BMPR1B: variants seen among roughly 807,000 people sequenced by gnomAD.
BMPR1B encodes bone morphogenetic protein receptor type 1B, also known as bone morphogenetic protein receptor type-1B.
A neutral mutation model predicts 59.1 loss-of-function variants in BMPR1B; 12 were observed. The observed-to-expected ratio is 0.20, with a 90% CI of 0.13 to 0.33. BMPR1B has a LOEUF of 0.33. Ranked by LOEUF, BMPR1B falls within the 10% of genes least tolerant of loss-of-function variation. The pLI is 1.00. For synonymous variants in BMPR1B, 237 were observed against 207.3 expected (o/e 1.14, Z -1.23); for missense variants, 550 against 610.9 (o/e 0.90, Z 1.05).
chr4:94,990,345 ACT>A (rs1436806391), intron 2 of BMPR1B, among the ~76,000 whole-genome samples: 1 of 152,026 alleles, frequency 6.6e-6, no homozygotes, highest in Non-Finnish European at 1.5e-5. Context: ...ACAGAATGAG[ACT>A]CTGTCCGTCT....
chr4:94,918,081 A>G (rs2149020437), intron 2 of BMPR1B, among the ~76,000 whole-genome samples: 1 of 152,274 alleles, frequency 6.6e-6, no homozygotes, highest in South Asian at 2.1e-4. Context: ...TTCAGATGCC[A>G]GAGCATGGGT....
intron 10 of BMPR1B, among the ~76,000 whole-genome samples, chr4:95,132,916 G>T (rs921212514): frequency 8.6e-5 from 13 of 152,000 alleles, no homozygotes; most frequent in African/African-American, 3.1e-4. Flanking sequence ...TCTTTCTCCT[G>T]TTTTCTTGGT....
intron 1 of BMPR1B, among the ~76,000 whole-genome samples, chr4:94,863,666 A>T (rs1173353763): frequency 6.6e-6 from 1 of 152,192 alleles, no homozygotes; most frequent in East Asian, 1.9e-4. Context: ...ATTTTATGAT[A>T]TGATTTTTCT....
chr4:94,844,712 A>G (rs897413697), intron 1 of BMPR1B, among the ~76,000 whole-genome samples: 21 of 152,172 alleles, frequency 1.4e-4, no homozygotes, highest in Non-Finnish European at 2.9e-4. Flanking sequence ...TTCACATACA[A>G]TATGGGCCAT....
At chr4:95,086,990 A>G (rs1418402149) in intron 3 of BMPR1B, among the ~76,000 whole-genome samples, 3 of 144,560 alleles carry the variant, frequency 2.1e-5, no homozygotes, top group African/African-American at 7.7e-5. Flanking sequence ...GGTGTGTCTC[A>G]TATCCTTCTT....
Position 94,983,008 on chromosome 4 carries a change from G to GA in BMPR1B, c.-112-13023dup, listed in dbSNP as rs1022916991. On this transcript the variant is annotated intron_variant, in intron 2 of 12. Coordinates refer to ENST00000515059, the MANE Select transcript of BMPR1B (RefSeq NM_001203.3). The stretch of plus-strand genomic sequence containing the variant: ...TCAAAAAAGAAAAAAAAAAACAAAC[G>GA]AAAAAAAAATTGTCACCTGAATACT... 1.2e-4 allele frequency among the ~76,000 whole-genome samples: 18 copies of GA among 148,854 alleles called. No individual in the cohort carries two copies. The East Asian group carries it at 2.4e-3, about 19-fold the overall frequency.
At chr4:95,053,341 T>C (rs1001085154) in intron 3 of BMPR1B, among the ~76,000 whole-genome samples, 6 of 145,232 alleles carry the variant, frequency 4.1e-5, no homozygotes, top group Admixed American at 2.8e-4. Flanking sequence ...TGTACTTAAT[T>C]TATCTTATAT....
intron 2 of BMPR1B, among the ~76,000 whole-genome samples, chr4:94,934,995 C>G (rs1186660020): frequency 2.6e-5 from 4 of 151,968 alleles, no homozygotes; most frequent in African/African-American, 9.7e-5. Flanking sequence ...GTTTTCATAA[C>G]TACACTAAGT....
chr4:94,989,399 A>C (rs1384690477), intron 2 of BMPR1B, among the ~76,000 whole-genome samples: 5 of 151,650 alleles, frequency 3.3e-5, no homozygotes, highest in Admixed American at 2.0e-4. Context: ...AAAAAAAAAA[A>C]AAAACAAAAA....
intron 2 of BMPR1B, among the ~76,000 whole-genome samples, chr4:94,913,032 G>A (rs980758413): frequency 9.2e-5 from 14 of 151,924 alleles, no homozygotes; most frequent in Admixed American, 9.2e-4. Flanking sequence ...AAAACTCCCA[G>A]GAAATTATAA....
chr4:95,033,725 C>T (rs1319982521), intron 3 of BMPR1B, among the ~76,000 whole-genome samples: 1 of 152,030 alleles, frequency 6.6e-6, no homozygotes, highest in African/African-American at 2.4e-5. Context: ...AGAGGAGGAG[C>T]TTAGACCAGC....
chr4:94,944,808 T>C (rs1343391382), intron 2 of BMPR1B, among the ~76,000 whole-genome samples: 1 of 152,216 alleles, frequency 6.6e-6, no homozygotes, highest in Admixed American at 6.5e-5. Flanking sequence ...CCTGTATACC[T>C]ACATTGACTG....
chr4:95,096,180 C>T (rs945662318), intron 3 of BMPR1B, among the ~76,000 whole-genome samples: 1 of 151,382 alleles, frequency 6.6e-6, no homozygotes, highest in Admixed American at 6.6e-5. Flanking sequence ...TATGAGGCTT[C>T]CAGCTCATTA....
intron 2 of BMPR1B, among the ~76,000 whole-genome samples, chr4:94,913,436 T>TG (rs1728363791): frequency 6.6e-6 from 1 of 152,208 alleles, no homozygotes; most frequent in Non-Finnish European, 1.5e-5. Context: ...TTGAAACTAT[T>TG]GCGGTAAACA....
At chr4:95,018,999 G>T (rs1723783565) in intron 3 of BMPR1B, among the ~76,000 whole-genome samples, 1 of 152,122 alleles carries the variant, frequency 6.6e-6, no homozygotes, top group South Asian at 2.1e-4. Flanking sequence ...TAATGAATGT[G>T]CAATTGGGGT....
At chr4:95,133,834 C>G (rs768109627) in intron 10 of BMPR1B, among the ~76,000 whole-genome samples, 85 of 151,132 alleles carry the variant, frequency 5.6e-4, no homozygotes, top group Non-Finnish European at 9.1e-4. Context: ...CCTCCCAAAA[C>G]GCTGGGATTA....
At chr4:94,925,117 T>C (rs147051131) in intron 2 of BMPR1B, among the ~76,000 whole-genome samples, 109 of 152,208 alleles carry the variant, frequency 7.2e-4, no homozygotes, top group African/African-American at 2.4e-3. Flanking sequence ...AATCAGAAAT[T>C]GGTCAATCTC....
At position 94,835,548 on chromosome 4, in the gene BMPR1B, T is replaced by G. The variant is rs150835591; in HGVS notation, c.-182-40283T>G. On this transcript the variant is annotated intron_variant, in intron 1 of 12. Coordinates refer to ENST00000515059, the MANE Select transcript of BMPR1B (RefSeq NM_001203.3). ...AATAAATTATATCAGTTGGCAAAAC[T>G]TTTTACACTGCAGTGACAGTCTCTT... 5.7e-3 allele frequency among the ~76,000 whole-genome samples: 871 copies of G among 152,338 alleles called. 12 individuals carry two copies. The highest frequency in any genetic ancestry group is 0.02 in the African/African-American group (835 of 41,562).
intron 2 of BMPR1B, among the ~76,000 whole-genome samples, chr4:94,924,610 C>G (rs547432880): frequency 6.6e-6 from 1 of 152,150 alleles, no homozygotes; most frequent in South Asian, 2.1e-4. Flanking sequence ...TGCCACTTCT[C>G]TCCAACAAGA....
Sources: gnomAD v4.1 joint callset for allele counts (sites outside exome capture counted in the v4.1 genomes callset) on GRCh38, gnomAD v4.1.1 for gene constraint, MANE v1.5 for transcripts, NCBI Gene and HGNC (gene_info 2026-07-23, HGNC 2026-07-21) for gene names.